The following ADAMTS17 variants were observed in gnomAD, a reference collection of about 807,000 sequenced individuals.
The protein encoded by ADAMTS17 is ADAM metallopeptidase with thrombospondin type 1 motif 17, also known as A disintegrin and metalloproteinase with thrombospondin motifs 17.
ADAMTS17 carries 113 observed loss-of-function variants against 141.5 expected under a neutral mutation model. The ratio of observed to expected loss-of-function variants is 0.80; its 90% CI spans 0.69 to 0.93. The LOEUF (loss-of-function observed/expected upper bound fraction) is 0.93, where lower values mean the gene tolerates loss of function less well. Among genes scored for constraint, ADAMTS17 ranks in the 40% least tolerant of loss-of-function variants. ADAMTS17 has a pLI of 0.00. For synonymous variants in ADAMTS17, 768 were observed against 630.6 expected (o/e 1.22, Z -3.27); for missense variants, 1,659 against 1,517.9 (o/e 1.09, Z -1.54).
At chr15:100,054,243 C>T (rs1343926080) in intron 15 of ADAMTS17, among the ~76,000 whole-genome samples, 189 bp from the exon 16 acceptor site, 1 of 152,136 alleles carries the variant, frequency 6.6e-6, no homozygotes, top group East Asian at 1.9e-4. Flanking sequence ...TCGCAGGGAG[C>T]ACGGAGATGC....
intron 15 of ADAMTS17, among the ~76,000 whole-genome samples, chr15:100,068,538 T>C (rs905685842): frequency 1.3e-5 from 2 of 152,122 alleles, no homozygotes; most frequent in African/African-American, 4.8e-5. Flanking sequence ...CAGCTGGGTA[T>C]CCCTCTGAGA....
At chr15:100,172,868 C>T (rs1341049368) in intron 8 of ADAMTS17, among the ~76,000 whole-genome samples, 1 of 152,176 alleles carries the variant, frequency 6.6e-6, no homozygotes, top group Non-Finnish European at 1.5e-5. Context: ...TGTCTGAATG[C>T]TAATTTTTCC....
At chr15:100,106,579 G>C (rs566589398) in intron 14 of ADAMTS17, among the ~76,000 whole-genome samples, 1 of 152,234 alleles carries the variant, frequency 6.6e-6, no homozygotes, top group Non-Finnish European at 1.5e-5. Flanking sequence ...TGTCCAGCCA[G>C]TAACACAGAC....
intron 18 of ADAMTS17, among the ~76,000 whole-genome samples, chr15:100,035,347 A>T (rs896881086): frequency 1.3e-5 from 2 of 152,234 alleles, no homozygotes; most frequent in African/African-American, 4.8e-5. Flanking sequence ...AGTTATTTTT[A>T]AAACATTAAT....
At chr15:100,132,419 G>A (rs1331156000) in intron 11 of ADAMTS17, among the ~76,000 whole-genome samples, 2 of 152,210 alleles carry the variant, frequency 1.3e-5, no homozygotes, top group Non-Finnish European at 2.9e-5. Flanking sequence ...CCAGAAAAAG[G>A]ATGAATCTAC....
intron 18 of ADAMTS17, among the ~76,000 whole-genome samples, chr15:100,019,030 T>G (rs1395498470): frequency 6.6e-6 from 1 of 152,216 alleles, no homozygotes. Context: ...ATTCACTCCA[T>G]AATTGTATAA....
At chr15:100,316,667 T>C (rs1189424376) in intron 3 of ADAMTS17, among the ~76,000 whole-genome samples, 2 of 152,254 alleles carry the variant, frequency 1.3e-5, no homozygotes, top group Non-Finnish European at 2.9e-5. Context: ...AAGTTTTCCA[T>C]AGAGAGATGA....
chr15:100,283,935 G>A (rs997985083), intron 3 of ADAMTS17, among the ~76,000 whole-genome samples: 11 of 152,076 alleles, frequency 7.2e-5, no homozygotes, highest in East Asian at 1.9e-4. Context: ...GTGAAACCCC[G>A]TCTCTACTAA....
At chr15:100,098,409 G>A (rs2035893402) in intron 14 of ADAMTS17, among the ~76,000 whole-genome samples, 1 of 152,166 alleles carries the variant, frequency 6.6e-6, no homozygotes, top group African/African-American at 2.4e-5. Flanking sequence ...AGCACTTTGG[G>A]AGGCTGAGGT....
chr15:100,258,298 T>G (rs1051861815), intron 6 of ADAMTS17, among the ~76,000 whole-genome samples: 2 of 152,192 alleles, frequency 1.3e-5, no homozygotes, highest in Admixed American at 1.3e-4. Context: ...ATCATCTGGT[T>G]TTCTATTGTG....
intron 6 of ADAMTS17, among the ~76,000 whole-genome samples, chr15:100,258,002 C>T (rs1370383368): frequency 6.6e-6 from 1 of 152,204 alleles, no homozygotes; most frequent in Non-Finnish European, 1.5e-5. Context: ...TGGAATCACG[C>T]AGTATTTGTC....
rs536297225 is a variant in ADAMTS17, at chr15:100,062,636, T to C, written c.2138-8582A>G. Among the ~76,000 whole-genome samples, 47 of 152,268 alleles carry C rather than the reference T, an allele frequency of 3.1e-4. No individual in the cohort carries two copies. The South Asian group carries it at 9.5e-3, about 31-fold the overall frequency. On this transcript the variant is annotated intron_variant, in intron 15 of 21. Transcript: ENST00000268070. ...CAAAGATGTCATTTTAAAAAATCAG[T>C]GATAAAAATGGAAATAAAAGGGTTT... is the stretch of plus-strand genomic sequence containing the variant.
chr15:100,338,758 C>T (rs1439218961), intron 2 of ADAMTS17, among the ~76,000 whole-genome samples: 1 of 152,182 alleles, frequency 6.6e-6, no homozygotes, highest in Non-Finnish European at 1.5e-5. Flanking sequence ...AATACACACA[C>T]ACACAACTCC....
At chr15:99,974,999 A>G (rs1029020715) in intron 21 of ADAMTS17, among the ~76,000 whole-genome samples, 17 of 152,226 alleles carry the variant, frequency 1.1e-4, no homozygotes, top group Non-Finnish European at 2.5e-4. Flanking sequence ...GATTGTACAG[A>G]GAGAAGGCCC....
intron 13 of ADAMTS17, among the ~76,000 whole-genome samples, chr15:100,113,551 C>G (rs34468829): frequency 0.31 from 46,468 of 152,116 alleles, 7,074 homozygotes; most frequent in East Asian, 0.39. Context: ...CCAAAAGGAT[C>G]TGGGTAAAGG....
At chr15:100,177,224 A>G (rs1296119474) in intron 8 of ADAMTS17, among the ~76,000 whole-genome samples, 5 of 152,358 alleles carry the variant, frequency 3.3e-5, no homozygotes, top group South Asian at 2.1e-4. Flanking sequence ...AATTTCTTGA[A>G]GTAGGAACTT....
intron 8 of ADAMTS17, among the ~76,000 whole-genome samples, chr15:100,165,127 C>A (rs2039897396): frequency 6.6e-6 from 1 of 152,176 alleles, no homozygotes; most frequent in African/African-American, 2.4e-5. Context: ...AAGCTCCTGC[C>A]ATCTCTGTGA....
intron 17 of ADAMTS17, among the ~76,000 whole-genome samples, chr15:100,051,003 A>G (rs2032093649): frequency 6.6e-6 from 1 of 152,232 alleles, no homozygotes; most frequent in South Asian, 2.1e-4. Flanking sequence ...TGGACCCTGC[A>G]GTGTGCATGA....
intron 4 of ADAMTS17, among the ~76,000 whole-genome samples, chr15:100,275,913 C>T (rs2044065000): frequency 7.4e-6 from 1 of 135,564 alleles, no homozygotes; most frequent in African/African-American, 2.8e-5. Flanking sequence ...CCAGTCTGCC[C>T]TGGGGACAGG....
Sources: allele counts gnomAD v4.1 joint callset (sites outside exome capture counted in the v4.1 genomes callset), GRCh38; gene constraint gnomAD v4.1.1; transcripts MANE v1.5; gene names NCBI Gene and HGNC (gene_info 2026-07-23, HGNC 2026-07-21).